KMT2C: variants seen among roughly 807,000 people sequenced by gnomAD.
KMT2C encodes the protein histone-lysine N-methyltransferase 2C.
In KMT2C, 88 loss-of-function variants were observed where a neutral mutation model predicts 507.9. The observed-to-expected ratio is 0.17, with a 90% CI of 0.15 to 0.21. The LOEUF (loss-of-function observed/expected upper bound fraction) is 0.21, where lower values mean the gene tolerates loss of function less well. KMT2C is among the 10% of genes least tolerant of loss of function. The pLI is 1.00. For missense variants in KMT2C, 4,954 were observed against 5,957.8 expected (o/e 0.83, Z 5.55); for synonymous variants, 2,049 against 2,080.8 (o/e 0.98, Z 0.42).
chr7:152,243,121 GT>G (rs2095414375), intron 14 of KMT2C, among the ~76,000 whole-genome samples: 1 of 152,176 alleles, frequency 6.6e-6, no homozygotes, highest in Non-Finnish European at 1.5e-5. Context: ...ATAAAATTGA[GT>G]TCGATATCAA....
chr7:152,158,832 A>C, intron 44 of KMT2C, 31 bp downstream of exon 44: 2 of 1,605,138 alleles, frequency 1.2e-6, no homozygotes, highest in South Asian at 2.2e-5. Flanking sequence ...TTGACTTTTA[A>C]AAGAGGCTGC....
rs1343867351 is a variant in KMT2C at position 152,187,345 on chromosome 7, T to C, written c.4925A>G (p.Glu1642Gly). 1 of 1,614,054 alleles carries C rather than the reference T, an allele frequency of 6.2e-7. No individual in the cohort carries two copies. The highest frequency in any genetic ancestry group is 8.5e-7 in the Non-Finnish European group (1 of 1,180,018). The change falls in exon 33 of 59, where the codon GAG becomes GGG. Residue 1642 changes from glutamate (E) to glycine (G), a missense_variant. Glu to Gly is a moderately conservative substitution (Grantham distance 98). Around this residue, in one of 29 missense-constraint regions of KMT2C, gnomAD observed 195 missense variants for 183.7 expected, o/e 1.06. Coordinates refer to ENST00000262189, the MANE Select transcript of KMT2C (RefSeq NM_170606.3). ...AGTTGCCATTTCACCCAGAGCCTCCTCTTTCTCCCACTTAAGCGTGCTTCT... is the reference window on the plus strand; with the variant it reads ...AGTTGCCATTTCACCCAGAGCCTCCCCTTTCTCCCACTTAAGCGTGCTTCT... ...AQRSTLKWEK[E>G]EALGEMATVA... is the part of the protein sequence containing the mutation.
chr7:152,387,109 A>G (rs1377307924), intron 1 of KMT2C, among the ~76,000 whole-genome samples: 1 of 152,188 alleles, frequency 6.6e-6, no homozygotes, highest in African/African-American at 2.4e-5. Flanking sequence ...ACACCAGAAT[A>G]AGATATTTTT....
At chr7:152,306,898 C>T (rs577394280) in intron 6 of KMT2C, among the ~76,000 whole-genome samples, 73 of 152,292 alleles carry the variant, frequency 4.8e-4, no homozygotes, top group Non-Finnish European at 9.3e-4. Context: ...GTGGCACATG[C>T]CTATAATCCC....
chr7:152,205,514 G>A lies in KMT2C; in HGVS notation c.3842-289C>T, dbSNP rs531216189. Among the ~76,000 whole-genome samples, 12 of 151,134 alleles carry A rather than the reference G, an allele frequency of 7.9e-5. No individual in the cohort carries two copies. In the East Asian group the frequency reaches 1.9e-3, roughly 24 times the overall value. On this transcript the variant is annotated intron_variant, in intron 24 of 58. Coordinates refer to ENST00000262189, the MANE Select transcript of KMT2C (RefSeq NM_170606.3). ...GTGTAAATATCAAACACTAAATTAC[G>A]CTGGCTTATCTATTTGACAAATATT...
chr7:152,144,615 G>T lies in KMT2C; in HGVS notation c.14343+98C>A. 1.7e-6 allele frequency: 2 copies of T among 1,173,346 alleles called. No individual in the cohort carries two copies. Among genetic ancestry groups the T allele is most frequent in the Non-Finnish European group, 2.5e-6 (2 of 810,704 alleles). 72.7% of individuals were successfully genotyped at this position (1,173,346 alleles called of 1,614,324 possible). On this transcript the variant is annotated intron_variant, in intron 55 of 58. Transcript: ENST00000262189. The surrounding 1 kb of genome is among the most constrained non-coding windows in gnomAD (Gnocchi z 4.4). The stretch of plus-strand genomic sequence containing the variant: ...TTGAAAACACGTTTCTGTCCCTGCA[G>T]CTATGTGAAATCATTTTCACATACT...
At chr7:152,255,837 A>G (rs537766372) in intron 9 of KMT2C, among the ~76,000 whole-genome samples, 1 of 152,326 alleles carries the variant, frequency 6.6e-6, no homozygotes, top group Admixed American at 6.5e-5. Flanking sequence ...ATACACAAAC[A>G]TCAACTCCAA....
chr7:152,336,990 A>G (rs1589274951), intron 2 of KMT2C, among the ~76,000 whole-genome samples: 2 of 152,230 alleles, frequency 1.3e-5, no homozygotes, highest in South Asian at 4.1e-4. Context: ...GGTAAACTAT[A>G]CTAAGGAACC....
intron 56 of KMT2C, 39 bp from the exon 57 acceptor site, chr7:152,139,298 C>A (rs753902378): frequency 6.3e-7 from 1 of 1,578,868 alleles, no homozygotes; most frequent in Non-Finnish European, 8.7e-7. Flanking sequence ...CAATGTCGAC[C>A]TGAAACTCCC....
At chr7:152,273,549 T>A (rs1474770478) in intron 7 of KMT2C, among the ~76,000 whole-genome samples, 156 bp downstream of exon 7, 1 of 152,202 alleles carries the variant, frequency 6.6e-6, no homozygotes, top group Non-Finnish European at 1.5e-5. Context: ...AACATTTCCC[T>A]CCCCAGCGAT....
chr7:152,160,512 G>A (rs1043771584), intron 43 of KMT2C, among the ~76,000 whole-genome samples: 2 of 152,034 alleles, frequency 1.3e-5, no homozygotes, highest in African/African-American at 4.8e-5. Context: ...AGAAGCAGGT[G>A]TGTGGCGGGA....
At chr7:152,273,984 G>C in intron 6 of KMT2C, 117 bp from the exon 7 acceptor site, 2 of 923,362 alleles carry the variant, frequency 2.2e-6, no homozygotes, top group Non-Finnish European at 3.0e-6. Context: ...AATTGAACCT[G>C]CAAAATATTA....
rs541756861 is a variant in KMT2C at position 152,291,257 on chromosome 7, T to C, written c.850-17390A>G. Among the ~76,000 whole-genome samples the C allele has an allele frequency of 7.2e-5, 11 of 152,392 alleles. No individual in the cohort carries two copies. In the South Asian group the frequency reaches 2.3e-3, roughly 32 times the overall value. The stretch of plus-strand genomic sequence containing the variant: ...TACCACTGCCAAGTCACTAAATTGC[T>C]ATGTAGAATGGCAATTCAGTATATT... On this transcript the variant is annotated intron_variant, in intron 6 of 58. Transcript: ENST00000262189.
chr7:152,435,673 GC>G lies in KMT2C; in HGVS notation c.113del (p.Gly38AlafsTer67). The part of the protein sequence containing the change: ...SPAAADKRPR[G>X]RPRKDGASPF... ...GGGAAGCGCCATCTTTGCGAGGCCG[GC>G]CCCGAGGTCTTTTGTCTGCGGCTGC... On this transcript the variant is annotated frameshift_variant, in exon 1 of 59. Coordinates refer to ENST00000262189, the MANE Select transcript of KMT2C (RefSeq NM_170606.3). LOFTEE classifies it high-confidence loss of function. The G allele has an allele frequency of 6.5e-7, 1 of 1,547,934 alleles. No homozygotes were observed. Among genetic ancestry groups the G allele is most frequent in the African/African-American group, 1.4e-5 (1 of 71,362 alleles).
chr7:152,268,005 C>G (rs2095886575), intron 7 of KMT2C, among the ~76,000 whole-genome samples: 1 of 152,114 alleles, frequency 6.6e-6, no homozygotes, highest in African/African-American at 2.4e-5. Context: ...CATGGCTGGG[C>G]ACAGACACTC....
chr7:152,305,355 T>C (rs939452934), intron 6 of KMT2C, among the ~76,000 whole-genome samples: 1 of 152,148 alleles, frequency 6.6e-6, no homozygotes, highest in Admixed American at 6.5e-5. Flanking sequence ...CTTGAATAAA[T>C]ACATAAAGGA....
chr7:152,293,025 C>T (rs965945800), intron 6 of KMT2C, among the ~76,000 whole-genome samples: 3 of 152,034 alleles, frequency 2.0e-5, no homozygotes, highest in Non-Finnish European at 4.4e-5. Flanking sequence ...AGTATCTCTG[C>T]CATAGGAAGA....
chr7:152,347,605 T>G (rs1232695295), intron 2 of KMT2C, among the ~76,000 whole-genome samples: 1 of 152,242 alleles, frequency 6.6e-6, no homozygotes, highest in African/African-American at 2.4e-5. Context: ...TTTTATTCAG[T>G]TATTATTTAA....
Position 152,148,722 on chromosome 7 carries a change from C to T in KMT2C, c.13205G>A (p.Cys4402Tyr). ...PDPVPKDYRK[C>Y]CFCHEEGDGL... ...ATCACCTTCTTCATGACAAAAGCAA[C>T]ATTTCCGATAGTCTTTGGGCACAGG... The change falls in exon 52 of 59, where the codon TGT (cysteine) becomes TAT (tyrosine). Residue 4402 changes from cysteine to tyrosine, a missense_variant. Cys to Tyr is a radical substitution (Grantham distance 194). Coordinates refer to ENST00000262189, the MANE Select transcript of KMT2C (RefSeq NM_170606.3). This position sits in a 1 kb window ranked among gnomAD's most constrained non-coding sequence, Gnocchi z 7.1. The T allele has an allele frequency of 6.2e-7, 1 of 1,614,210 alleles. No homozygotes were observed. The highest frequency in any genetic ancestry group is 8.5e-7 in the Non-Finnish European group (1 of 1,180,038).
Sources: allele counts gnomAD v4.1 joint callset (sites outside exome capture counted in the v4.1 genomes callset), GRCh38; gene constraint gnomAD v4.1.1; regional missense constraint gnomAD v4.1.1; non-coding constraint Gnocchi (gnomAD v3.1); transcripts MANE v1.5; gene names NCBI Gene and HGNC (gene_info 2026-07-23, HGNC 2026-07-21).